The following ASIC2 variants were observed in gnomAD, a reference collection of about 807,000 sequenced individuals.
ASIC2 encodes acid sensing ion channel subunit 2.
A neutral mutation model predicts 57.3 loss-of-function variants in ASIC2; 25 were observed. The observed-to-expected ratio is 0.44, with a 90% CI of 0.32 to 0.61. The LOEUF (loss-of-function observed/expected upper bound fraction) is 0.61, where lower values mean the gene tolerates loss of function less well. Ranked by LOEUF, ASIC2 falls within the 20% of genes least tolerant of loss-of-function variation. ASIC2 has a pLI of 0.06. For synonymous variants in ASIC2, 319 were observed against 307.5 expected (o/e 1.04, Z -0.39); for missense variants, 641 against 738.1 (o/e 0.87, Z 1.52).
intron 1 of ASIC2, among the ~76,000 whole-genome samples, chr17:33,763,328 T>A (rs1910841328): frequency 6.6e-6 from 1 of 152,186 alleles, no homozygotes. Context: ...CATGATCTGG[T>A]CACTCTGTTC....
intron 1 of ASIC2, among the ~76,000 whole-genome samples, chr17:33,358,978 G>A (rs1049081084): frequency 3.3e-5 from 5 of 152,182 alleles, no homozygotes; most frequent in African/African-American, 9.7e-5. Context: ...TTTTAGAAAG[G>A]TTCCTTAAAT....
chr17:33,643,747 C>T (rs1906654786), intron 1 of ASIC2, among the ~76,000 whole-genome samples: 1 of 152,124 alleles, frequency 6.6e-6, no homozygotes, highest in Admixed American at 6.5e-5. Flanking sequence ...AACAGAGCTC[C>T]TGTCATTCAG....
chr17:33,212,476 G>C (rs1907316547), intron 1 of ASIC2, among the ~76,000 whole-genome samples: 1 of 152,202 alleles, frequency 6.6e-6, no homozygotes, highest in Non-Finnish European at 1.5e-5. Context: ...CTCACACCTT[G>C]ATTTGAGCCC....
intron 1 of ASIC2, among the ~76,000 whole-genome samples, chr17:33,393,843 T>C (rs1478633512): frequency 6.6e-6 from 1 of 152,148 alleles, no homozygotes; most frequent in African/African-American, 2.4e-5. Context: ...ACTGAGGCCA[T>C]ATGTTGCTGA....
intron 1 of ASIC2, among the ~76,000 whole-genome samples, chr17:33,138,452 C>G (rs745672307): frequency 2.6e-5 from 4 of 152,214 alleles, no homozygotes; most frequent in African/African-American, 9.7e-5. Context: ...AATTTAAGAG[C>G]AGGGCATGAA....
chr17:33,507,143 C>G (rs997223840), intron 1 of ASIC2, among the ~76,000 whole-genome samples: 28 of 152,200 alleles, frequency 1.8e-4, no homozygotes, highest in Admixed American at 8.5e-4. Flanking sequence ...TATCTTCCCC[C>G]TCAGGACAAT....
intron 1 of ASIC2, among the ~76,000 whole-genome samples, chr17:33,978,987 G>A (rs962514075): frequency 4.6e-5 from 7 of 152,110 alleles, no homozygotes; most frequent in East Asian, 1.9e-4. Context: ...GTGTCTCCTC[G>A]GTGACAGATC....
At chr17:33,585,062 C>T (rs1904576508) in intron 1 of ASIC2, among the ~76,000 whole-genome samples, 1 of 152,180 alleles carries the variant, frequency 6.6e-6, no homozygotes, top group Admixed American at 6.5e-5. Flanking sequence ...GGGCTACAGC[C>T]TCCTTCCCTC....
Position 33,166,747 on chromosome 17 carries a change from C to T in ASIC2, c.709-54680G>A, listed in dbSNP as rs150318820. ...GCCCAGAACCTGGGCAAACAGAATC[C>T]CGCTCCCACTGCACTGCAGGAACCG... is the stretch of plus-strand genomic sequence containing the variant. On this transcript the variant is annotated intron_variant, in intron 1 of 9. Coordinates refer to ENST00000225823, the MANE Select transcript of ASIC2 (RefSeq NM_183377.2). Among the ~76,000 whole-genome samples, 3 of 152,336 alleles carry T rather than the reference C, an allele frequency of 2.0e-5. No individual in the cohort carries two copies. The East Asian group carries it at 5.8e-4, about 29-fold the overall frequency.
intron 1 of ASIC2, chr17:33,581,431 C>T (rs1904437424): frequency 6.6e-6 from 1 of 152,152 alleles, no homozygotes; most frequent in Non-Finnish European, 1.5e-5. Context: ...TCAAAGAGCC[C>T]ACCCAAGGCT....
chr17:33,906,183 T>C (rs1480404004), intron 1 of ASIC2, among the ~76,000 whole-genome samples: 2 of 152,130 alleles, frequency 1.3e-5, no homozygotes, highest in Non-Finnish European at 2.9e-5. Flanking sequence ...ATTACGTGTC[T>C]GGTTGGCTTT....
intron 1 of ASIC2, among the ~76,000 whole-genome samples, chr17:33,670,420 A>G (rs1478642295): frequency 3.9e-5 from 6 of 152,354 alleles, no homozygotes; most frequent in African/African-American, 1.4e-4. Context: ...ATAAGGAATC[A>G]CCATTTTAAA....
rs796739912 is a variant in ASIC2 at position 33,441,623 on chromosome 17, C to G, written c.556-329556G>C. Among the ~76,000 whole-genome samples, 14 of 152,254 alleles carry G rather than the reference C, an allele frequency of 9.2e-5. 1 individual carries two copies. The highest frequency in any genetic ancestry group is 3.1e-4 in the African/African-American group (13 of 41,542). Reference sequence around the variant, plus strand: ...TCTCACCTCCTTCCTTCTCCTTCTCCCATGAAGCAGGTCATAAGGACCTCA... The same window carrying G: ...TCTCACCTCCTTCCTTCTCCTTCTCGCATGAAGCAGGTCATAAGGACCTCA... On this transcript the variant is annotated intron_variant, in intron 1 of 9. Coordinates refer to the ASIC2 transcript ENST00000359872.
At chr17:33,398,573 A>G (rs4795777) in intron 1 of ASIC2, among the ~76,000 whole-genome samples, 145,704 of 152,026 alleles carry the variant, frequency 0.96, 69,866 homozygotes, top group East Asian at 0.98. Context: ...CAGTGATGAT[A>G]GTGATGGTGG....
chr17:33,957,550 G>A (rs1328206475), intron 1 of ASIC2, among the ~76,000 whole-genome samples: 2 of 152,142 alleles, frequency 1.3e-5, no homozygotes, highest in African/African-American at 4.8e-5. Context: ...AGTGTGTGCA[G>A]GGGAACTGCC....
rs1239056370 is a variant in ASIC2, at chr17:33,189,531, T to C, written c.709-77464A>G. On this transcript the variant is annotated intron_variant, in intron 1 of 9. Transcript: ENST00000225823. The stretch of plus-strand genomic sequence containing the variant: ...CCAATTAAGGGCAGAGACTGTTAGA[T>C]TGTATTGAAAAATGCGAGACCCAAC... Among the ~76,000 whole-genome samples, 4 of 152,082 alleles carry C rather than the reference T, an allele frequency of 2.6e-5. No individual in the cohort carries two copies. The East Asian group carries it at 7.7e-4, about 29-fold the overall frequency.
intron 1 of ASIC2, among the ~76,000 whole-genome samples, chr17:33,163,489 C>T (rs1905220726): frequency 6.6e-6 from 1 of 152,000 alleles, no homozygotes; most frequent in Non-Finnish European, 1.5e-5. Flanking sequence ...CCACCTCCTG[C>T]CACTGCTGAT....
chr17:33,800,310 G>A (rs149388319), intron 1 of ASIC2, among the ~76,000 whole-genome samples: 1 of 152,266 alleles, frequency 6.6e-6, no homozygotes, highest in African/African-American at 2.4e-5. Flanking sequence ...ATCAGATCTT[G>A]CTCATACAAT....
intron 1 of ASIC2, among the ~76,000 whole-genome samples, chr17:33,561,225 A>G (rs1405978221): frequency 6.6e-6 from 1 of 152,206 alleles, no homozygotes; most frequent in African/African-American, 2.4e-5. Flanking sequence ...ATATGTATGC[A>G]TATATGTCAT....
Sources: allele counts gnomAD v4.1 joint callset (sites outside exome capture counted in the v4.1 genomes callset), GRCh38; gene constraint gnomAD v4.1.1; transcripts MANE v1.5; gene names NCBI Gene and HGNC (gene_info 2026-07-23, HGNC 2026-07-21).